SIN3A: variants seen among roughly 807,000 people sequenced by gnomAD.
SIN3A encodes paired amphipathic helix protein Sin3a.
In SIN3A, 14 loss-of-function variants were observed where a neutral mutation model predicts 146.1. The ratio of observed to expected loss-of-function variants is 0.10; its 90% CI spans 0.06 to 0.15. SIN3A has a LOEUF of 0.15. Ranked by LOEUF, SIN3A falls within the 10% of genes least tolerant of loss-of-function variation. The probability of loss-of-function intolerance (pLI) is 1.00; values close to 1 mark genes in which losing one functional copy is unlikely to be tolerated. For missense variants in SIN3A, 1,028 were observed against 1,576.0 expected (o/e 0.65, Z 5.89); for synonymous variants, 572 against 572.0 (o/e 1.00, Z 0.00).
At chr15:75,412,664 T>G in intron 5 of SIN3A, 99 bp downstream of exon 5, 1 of 1,197,852 alleles carries the variant, frequency 8.3e-7, no homozygotes, top group East Asian at 2.7e-5. Context: ...TTTGTAACTT[T>G]GTTTCTCAGT....
intron 14 of SIN3A, among the ~76,000 whole-genome samples, chr15:75,393,634 C>T (rs1216396453): frequency 6.6e-6 from 1 of 152,128 alleles, no homozygotes; most frequent in Non-Finnish European, 1.5e-5. Context: ...CTCAGCCTCC[C>T]AAAGTGATGG....
chr15:75,402,453 C>G (rs1033792192), intron 9 of SIN3A, among the ~76,000 whole-genome samples: 1 of 151,846 alleles, frequency 6.6e-6, no homozygotes, highest in East Asian at 2.0e-4. Context: ...TGGAGGCAGA[C>G]GTTGCAGTGA....
intron 2 of SIN3A, among the ~76,000 whole-genome samples, chr15:75,428,001 G>T (rs146617630): frequency 2.1e-3 from 310 of 151,200 alleles, no homozygotes; most frequent in Middle Eastern, 3.4e-3. Context: ...ATAAATAAAT[G>T]AATAAAATAA....
Position 75,375,738 on chromosome 15 carries a change from G to A in SIN3A, c.3518C>T (p.Ser1173Phe). Residue 1173 changes from serine to phenylalanine, a missense_variant, in exon 20 of 21, where the codon TCC becomes TTC. Around this residue, in one of 9 missense-constraint regions of SIN3A, gnomAD observed 488 missense variants for 690.2 expected, o/e 0.71. Transcript: ENST00000394947. ...DKLECRFKLN[S>F]YKMVYVIKSE... ...TTTGATCACATACACCATCTTGTAG[G>A]AATTCAGCTTGAATCTACACTCCAG... The A allele has an allele frequency of 6.2e-7, 1 of 1,614,066 alleles. No homozygotes were observed. The highest frequency in any genetic ancestry group is 8.5e-7 in the Non-Finnish European group (1 of 1,180,002).
intron 1 of SIN3A, among the ~76,000 whole-genome samples, chr15:75,432,888 C>T (rs2074037079): frequency 1.3e-5 from 2 of 151,630 alleles, no homozygotes; most frequent in Admixed American, 1.3e-4. Context: ...ACTAAAAATA[C>T]AAAATTAGCT....
intron 18 of SIN3A, chr15:75,381,220 T>G: frequency 5.4e-6 from 1 of 186,406 alleles, no homozygotes. Context: ...TAACCAACTA[T>G]GATAATCACA....
chr15:75,425,457 C>T (rs553593752), intron 2 of SIN3A, among the ~76,000 whole-genome samples: 19 of 152,302 alleles, frequency 1.2e-4, no homozygotes, highest in South Asian at 6.2e-4. Flanking sequence ...TGTGAGCCAC[C>T]GCGCCTGGCC....
chr15:75,419,668 A>C (rs2073806825), intron 3 of SIN3A: 1 of 151,892 alleles, frequency 6.6e-6, no homozygotes, highest in South Asian at 2.1e-4. Context: ...AAAAAAAAAA[A>C]AAATACAAAA....
At chr15:75,453,668 C>A (rs1339258295), upstream of SIN3A, 1 of 152,342 alleles carries the variant, frequency 6.6e-6, no homozygotes, top group African/African-American at 2.4e-5. Context: ...TAGGAAAGAA[C>A]AGACACTTGC....
rs1364039498 is a variant in SIN3A, at chr15:75,372,052, T to A, written c.3749A>T (p.Asp1250Val). ...EGLVPCTTTC[D>V]TETLHFVSIN... ...GCTCACAAAATGCAGGGTCTCTGTA[T>A]CACAGGTGGTGGTACAGGGCACCAG... is the stretch of plus-strand genomic sequence containing the variant. Residue 1250 changes from aspartate to valine, a missense_variant, in exon 21 of 21, where the codon GAT (aspartate) becomes GTT (valine). This residue lies in a region of SIN3A where 488 missense variants were observed against 690.2 expected (regional missense o/e 0.71). Coordinates refer to ENST00000394947, the MANE Select transcript of SIN3A (RefSeq NM_001145358.2). The A allele has an allele frequency of 3.1e-6, 5 of 1,614,170 alleles. No individual in the cohort carries two copies. The highest frequency in any genetic ancestry group is 4.2e-6 in the Non-Finnish European group (5 of 1,180,028).
chr15:75,388,370 A>G (rs2073132148), intron 16 of SIN3A: 2 of 152,734 alleles, frequency 1.3e-5, no homozygotes, highest in South Asian at 4.1e-4. Context: ...AAGCAAAAGT[A>G]TACCACATTG....
intron 1 of SIN3A, among the ~76,000 whole-genome samples, chr15:75,449,578 G>A (rs1237211965): frequency 6.6e-6 from 1 of 152,084 alleles, no homozygotes; most frequent in Non-Finnish European, 1.5e-5. Context: ...CAGGCTGGAG[G>A]GCAACGCTAC....
intron 3 of SIN3A, among the ~76,000 whole-genome samples, chr15:75,418,786 G>A (rs1316377446): frequency 6.7e-6 from 1 of 150,146 alleles, no homozygotes; most frequent in Non-Finnish European, 1.5e-5. Flanking sequence ...ACAGAGTCTC[G>A]CTCTATCGCC....
chr15:75,441,567 A>G (rs1206244832), intron 1 of SIN3A, among the ~76,000 whole-genome samples: 1 of 152,054 alleles, frequency 6.6e-6, no homozygotes, highest in East Asian at 1.9e-4. Flanking sequence ...TAGCTGGTGT[A>G]TACCACTACA....
chr15:75,384,911 C>T (rs1595890513), intron 16 of SIN3A, among the ~76,000 whole-genome samples: 1 of 152,154 alleles, frequency 6.6e-6, no homozygotes, highest in Non-Finnish European at 1.5e-5. Context: ...AGGTGGCTCA[C>T]GCCTGTAATC....
chr15:75,440,222 G>A (rs1235440592), intron 1 of SIN3A, among the ~76,000 whole-genome samples: 1 of 151,634 alleles, frequency 6.6e-6, no homozygotes, highest in Non-Finnish European at 1.5e-5. Context: ...TAACAAGAAT[G>A]TAAGTAGCAA....
intron 9 of SIN3A, 43 bp from the exon 10 acceptor site, chr15:75,402,013 A>T: frequency 7.6e-7 from 1 of 1,313,998 alleles, no homozygotes; most frequent in Non-Finnish European, 1.1e-6. Context: ...TGTTTTTCTT[A>T]AAGTGGGGAA....
chr15:75,429,176 T>C (rs1325861940), intron 2 of SIN3A, among the ~76,000 whole-genome samples: 3 of 152,092 alleles, frequency 2.0e-5, no homozygotes, highest in African/African-American at 7.2e-5. Flanking sequence ...TCCCAGCTCT[T>C]TGGGAGGCTG....
Position 75,430,425 on chromosome 15 carries a change from C to T in SIN3A, c.-33-17G>A. On this transcript the variant is annotated splice_polypyrimidine_tract_variant and intron_variant, in intron 1 of 20. Coordinates refer to ENST00000394947, the MANE Select transcript of SIN3A (RefSeq NM_001145358.2). ...CTACAAAACCTGCAGAAACCAAAAG[C>T]AATAGCATGCAAGTCAATTCTCACT... 1 of 1,538,068 alleles carries T rather than the reference C, an allele frequency of 6.5e-7. No individual in the cohort carries two copies. Among genetic ancestry groups the T allele is most frequent in the Non-Finnish European group, 8.8e-7 (1 of 1,142,254 alleles).
Sources: allele counts gnomAD v4.1 joint callset (sites outside exome capture counted in the v4.1 genomes callset), GRCh38; gene constraint gnomAD v4.1.1; regional missense constraint gnomAD v4.1.1; transcripts MANE v1.5; gene names NCBI Gene and HGNC (gene_info 2026-07-23, HGNC 2026-07-21).